Variants in TENM3 observed in about 807,000 individuals in gnomAD.
TENM3 encodes the protein teneurin transmembrane protein 3.
A neutral mutation model predicts 255.1 loss-of-function variants in TENM3; 63 were observed. The observed-to-expected ratio is 0.25, with a 90% CI of 0.20 to 0.30. TENM3 has a LOEUF of 0.30. TENM3 is among the 10% of genes least tolerant of loss of function. The pLI, the probability that TENM3 is intolerant of heterozygous loss-of-function variation, is 1.00. For missense variants in TENM3, 2,929 were observed against 3,461.1 expected (o/e 0.85, Z 3.86); for synonymous variants, 1,306 against 1,322.3 (o/e 0.99, Z 0.27).
At chr4:182,646,123 T>C (rs1752721524) in intron 5 of TENM3, among the ~76,000 whole-genome samples, 1 of 152,222 alleles carries the variant, frequency 6.6e-6, no homozygotes, top group African/African-American at 2.4e-5. Context: ...ACATTACATA[T>C]TGGTTCTTAA....
chr4:182,785,592 C>T (rs1311391663), intron 24 of TENM3, among the ~76,000 whole-genome samples: 1 of 151,034 alleles, frequency 6.6e-6, no homozygotes, highest in Non-Finnish European at 1.5e-5. Flanking sequence ...CCTCTCGTCT[C>T]AGCTACTCAC....
intron 6 of TENM3, among the ~76,000 whole-genome samples, chr4:182,665,067 G>A (rs544629025): frequency 2.6e-5 from 4 of 152,280 alleles, no homozygotes; most frequent in South Asian, 4.2e-4. Flanking sequence ...GGAAGAAGAT[G>A]CCATCTAGGG....
the TENM3 span, among the ~76,000 whole-genome samples, chr4:181,661,052 G>A: frequency 3.8e-4 from 58 of 152,214 alleles, no homozygotes; most frequent in African/African-American, 1.3e-3. Context: ...GACCCCAAAC[G>A]TAAGTATGTA....
chr4:182,177,741 TG>T (rs1374828471), intron 1 of TENM3, among the ~76,000 whole-genome samples: 1 of 151,852 alleles, frequency 6.6e-6, no homozygotes, highest in African/African-American at 2.4e-5. Flanking sequence ...TTGTCCAGGC[TG>T]GTCTTGAACT....
At chr4:182,086,260 C>T in the TENM3 span, among the ~76,000 whole-genome samples, 1 of 152,164 alleles carries the variant, frequency 6.6e-6, no homozygotes, top group African/African-American at 2.4e-5. Flanking sequence ...GTCTTGCACC[C>T]AGACACGGCA....
the TENM3 span, among the ~76,000 whole-genome samples, chr4:181,766,344 G>A: frequency 1.3e-5 from 2 of 152,158 alleles, no homozygotes; most frequent in African/African-American, 2.4e-5. Context: ...TCCTACCGTT[G>A]CCACCAGCTA....
At chr4:181,978,608 C>T in the TENM3 span, among the ~76,000 whole-genome samples, 20,835 of 143,688 alleles carry the variant, frequency 0.15, 1,614 homozygotes, top group African/African-American at 0.2. Flanking sequence ...GATGGTGCCA[C>T]GGCACTCCAG....
At chr4:182,687,091 G>T (rs1487572520) in intron 11 of TENM3, among the ~76,000 whole-genome samples, 4 of 152,020 alleles carry the variant, frequency 2.6e-5, no homozygotes, top group Non-Finnish European at 5.9e-5. Flanking sequence ...AATGAATAGG[G>T]AAAACAGAAC....
chr4:181,960,778 A>C, the TENM3 span, among the ~76,000 whole-genome samples: 1 of 152,310 alleles, frequency 6.6e-6, no homozygotes. Context: ...TTAGAACAGA[A>C]GTATGGTAAA....
the TENM3 span, among the ~76,000 whole-genome samples, chr4:181,888,695 C>G: frequency 6.8e-6 from 1 of 147,784 alleles, no homozygotes; most frequent in African/African-American, 2.5e-5. Context: ...AGTCTGACAT[C>G]TGCAAACTGG....
the TENM3 span, among the ~76,000 whole-genome samples, chr4:181,917,447 G>A: frequency 6.6e-6 from 1 of 152,058 alleles, no homozygotes; most frequent in African/African-American, 2.4e-5. Context: ...TCAGTGAAAT[G>A]TAATTGCTCT....
the TENM3 span, among the ~76,000 whole-genome samples, chr4:182,132,313 A>AC: frequency 6.7e-6 from 1 of 149,174 alleles, no homozygotes. Context: ...CCCCGTCTCT[A>AC]CTAAAAAAAA....
the TENM3 span, among the ~76,000 whole-genome samples, chr4:181,577,028 C>T: frequency 8.2e-6 from 1 of 121,370 alleles, no homozygotes; most frequent in South Asian, 2.4e-4. Flanking sequence ...ATGTAATATG[C>T]AATATATATT....
chr4:181,930,253 AATAG>A, the TENM3 span, among the ~76,000 whole-genome samples: 1 of 152,180 alleles, frequency 6.6e-6, no homozygotes, highest in Non-Finnish European at 1.5e-5. Flanking sequence ...ATATTAACAA[AATAG>A]ATAGACCACT....
chr4:181,887,503 TTCTC>T, the TENM3 span, among the ~76,000 whole-genome samples: 1 of 152,232 alleles, frequency 6.6e-6, no homozygotes, highest in Non-Finnish European at 1.5e-5. Flanking sequence ...TTCTCTTTCT[TTCTC>T]TGTGCCTCTC....
chr4:181,542,619 T>C, the TENM3 span, among the ~76,000 whole-genome samples: 1 of 152,190 alleles, frequency 6.6e-6, no homozygotes, highest in Non-Finnish European at 1.5e-5. Context: ...GGATGAGGTA[T>C]GTTATAGAAT....
At chr4:182,681,150 C>T (rs1207575754) in intron 10 of TENM3, among the ~76,000 whole-genome samples, 1 of 152,086 alleles carries the variant, frequency 6.6e-6, no homozygotes, top group Non-Finnish European at 1.5e-5. Flanking sequence ...TGGATGTGTT[C>T]CATAGCTGTA....
intron 3 of TENM3, among the ~76,000 whole-genome samples, chr4:182,577,747 C>T (rs2152044310): frequency 6.6e-6 from 1 of 152,246 alleles, no homozygotes; most frequent in South Asian, 2.1e-4. Context: ...TTTTCATGCA[C>T]ATAGGTAATA....
intron 3 of TENM3, among the ~76,000 whole-genome samples, chr4:182,354,242 A>G (rs944121714): frequency 6.6e-6 from 1 of 152,126 alleles, no homozygotes; most frequent in Non-Finnish European, 1.5e-5. Flanking sequence ...TTCAATTCTA[A>G]ATGTTCTTTT....
Sources: allele counts gnomAD v4.1 joint callset (sites outside exome capture counted in the v4.1 genomes callset), GRCh38; gene constraint gnomAD v4.1.1; transcripts MANE v1.5; gene names NCBI Gene and HGNC (gene_info 2026-07-23, HGNC 2026-07-21).